Variants in PRELID2 observed in about 807,000 individuals in gnomAD.
PRELID2 encodes PRELI domain-containing protein 2.
In PRELID2, 25 loss-of-function variants were observed where a neutral mutation model predicts 28.4. The ratio of observed to expected loss-of-function variants is 0.88; its 90% CI spans 0.64 to 1.23. The LOEUF is 1.23. Ranked by LOEUF, PRELID2 falls within the 50% of genes most tolerant of loss-of-function variation. PRELID2 has a pLI of 0.00. For missense variants in PRELID2, 201 were observed against 214.4 expected, an observed-to-expected ratio of 0.94 and a Z score of 0.39; for synonymous variants, 76 against 71.6, an observed-to-expected ratio of 1.06 and a Z score of -0.31.
At chr5:145,655,848 T>C (rs532799678) in intron 1 of PRELID2, among the ~76,000 whole-genome samples, 1 of 152,298 alleles carries the variant, frequency 6.6e-6, no homozygotes, top group African/African-American at 2.4e-5. Flanking sequence ...GGCCAAGGAC[T>C]TCATGTCTAA....
chr5:145,473,826 T>C (rs1752076018), intron 1 of PRELID2, among the ~76,000 whole-genome samples: 1 of 152,170 alleles, frequency 6.6e-6, no homozygotes, highest in African/African-American at 2.4e-5. Context: ...ATAAGTTTCA[T>C]AACAATCACC....
At chr5:145,688,695 G>A (rs546073617) in intron 1 of PRELID2, among the ~76,000 whole-genome samples, 2 of 152,302 alleles carry the variant, frequency 1.3e-5, no homozygotes, top group Admixed American at 1.3e-4. Context: ...TCATGACAGA[G>A]CATGACACAT....
At chr5:145,671,220 A>G (rs536228745) in intron 1 of PRELID2, among the ~76,000 whole-genome samples, 1 of 152,214 alleles carries the variant, frequency 6.6e-6, no homozygotes, top group South Asian at 2.1e-4. Context: ...AACTATCGCT[A>G]TACAGATTTC....
chr5:145,725,382 C>T (rs1439658724), intron 1 of PRELID2, among the ~76,000 whole-genome samples: 3 of 152,092 alleles, frequency 2.0e-5, no homozygotes, highest in Non-Finnish European at 2.9e-5. Context: ...TTAAGCATTG[C>T]TAACAGGTAT....
chr5:145,405,699 GTTGTTTTTTTT>G, the PRELID2 span, among the ~76,000 whole-genome samples: 1 of 45,992 alleles, frequency 2.2e-5, no homozygotes, highest in African/African-American at 7.5e-5. Context: ...GTACCACATA[GTTGTTTTTTTT>G]TTTTTTTTTT....
At chr5:145,460,602 C>T in the PRELID2 span, among the ~76,000 whole-genome samples, 52 of 152,182 alleles carry the variant, frequency 3.4e-4, no homozygotes, top group South Asian at 1.2e-3. Flanking sequence ...ATTCACTTCA[C>T]AAATACTTGG....
the PRELID2 span, among the ~76,000 whole-genome samples, chr5:145,254,542 G>A: frequency 0.05 from 7,592 of 152,090 alleles, 330 homozygotes; most frequent in African/African-American, 0.11. Flanking sequence ...ACAGGCTCAT[G>A]TACCTGTTTA....
chr5:145,636,316 G>A (rs73313748), intron 1 of PRELID2, among the ~76,000 whole-genome samples: 23,009 of 152,128 alleles, frequency 0.15, 2,975 homozygotes, highest in African/African-American at 0.34. Flanking sequence ...ATTCTGATAT[G>A]CTGCTTCTGA....
chr5:145,412,242 T>C, the PRELID2 span, among the ~76,000 whole-genome samples: 2 of 152,216 alleles, frequency 1.3e-5, no homozygotes, highest in Non-Finnish European at 2.9e-5. Flanking sequence ...ATAACCAGGC[T>C]GCAATTTTTC....
At chr5:145,268,124 G>C in the PRELID2 span, among the ~76,000 whole-genome samples, 3 of 152,130 alleles carry the variant, frequency 2.0e-5, no homozygotes, top group South Asian at 6.2e-4. Context: ...CCTTTGCTGT[G>C]CAGAAGCCTT....
chr5:145,766,200 C>T (rs1255257430), intron 5 of PRELID2, among the ~76,000 whole-genome samples: 1 of 152,136 alleles, frequency 6.6e-6, no homozygotes, highest in East Asian at 1.9e-4. Flanking sequence ...AAGGGAGCTG[C>T]TATTTTCAGA....
the PRELID2 span, among the ~76,000 whole-genome samples, chr5:145,309,674 C>CTAT: frequency 6.6e-6 from 1 of 152,148 alleles, no homozygotes. Context: ...TTCAGTCTTC[C>CTAT]TATCTCACTT....
the PRELID2 span, among the ~76,000 whole-genome samples, chr5:145,446,163 T>A: frequency 6.6e-6 from 1 of 152,008 alleles, no homozygotes; most frequent in African/African-American, 2.4e-5. Flanking sequence ...TGATAAAAGT[T>A]TGAGATAATG....
rs1198000415 is a variant in PRELID2, at chr5:145,542,769, C to CTTTCTTT, written n.71-69461_71-69455dup. Among the ~76,000 whole-genome samples, 4 of 145,556 alleles carry CTTTCTTT rather than the reference C, an allele frequency of 2.7e-5. No homozygotes were observed. The East Asian group carries it at 7.8e-4, about 29-fold the overall frequency. ...TTGTAATTTCTTTCTTTCTTTCTTT[C>CTTTCTTT]TTTCTTTCTTTCTTTCTGTCTTTTT... On this transcript the variant is annotated intron_variant and non_coding_transcript_variant, in intron 1 of 2. Coordinates refer to the PRELID2 transcript ENST00000510259.
At chr5:145,508,622 G>T (rs368961327) in intron 1 of PRELID2, among the ~76,000 whole-genome samples, 2 of 152,070 alleles carry the variant, frequency 1.3e-5, no homozygotes, top group Non-Finnish European at 2.9e-5. Context: ...AGGATTTTGG[G>T]ATCTAGATAT....
chr5:145,763,443 G>A (rs1757573681), intron 6 of PRELID2, among the ~76,000 whole-genome samples: 1 of 152,150 alleles, frequency 6.6e-6, no homozygotes, highest in East Asian at 1.9e-4. Flanking sequence ...AGTAATAAAG[G>A]AGTCTATTAA....
At chr5:145,423,912 T>C in the PRELID2 span, among the ~76,000 whole-genome samples, 1 of 149,250 alleles carries the variant, frequency 6.7e-6, no homozygotes, top group Non-Finnish European at 1.5e-5. Context: ...AGATGGGTTT[T>C]TGGTGTGGAT....
intron 1 of PRELID2, among the ~76,000 whole-genome samples, chr5:145,665,103 ATTT>A (rs1050772369): frequency 6.6e-6 from 1 of 151,908 alleles, no homozygotes; most frequent in Non-Finnish European, 1.5e-5. Flanking sequence ...CACCCAAAAT[ATTT>A]TTTTTCTGCT....
At chr5:145,632,586 A>G (rs1194020077) in intron 1 of PRELID2, among the ~76,000 whole-genome samples, 1 of 152,096 alleles carries the variant, frequency 6.6e-6, no homozygotes, top group Non-Finnish European at 1.5e-5. Context: ...CCATTTTGCA[A>G]ATTTTGAAAT....
Sources: allele counts gnomAD v4.1 joint callset (sites outside exome capture counted in the v4.1 genomes callset), GRCh38; gene constraint gnomAD v4.1.1; transcripts MANE v1.5; gene names NCBI Gene and HGNC (gene_info 2026-07-23, HGNC 2026-07-21).